The following MAP2 variants were observed in gnomAD, a reference collection of about 807,000 sequenced individuals.
The protein encoded by MAP2 is microtubule associated protein 2.
Under a neutral mutation model 137.6 loss-of-function variants are expected in MAP2, and 14 were observed. The ratio of observed to expected loss-of-function variants is 0.10; its 90% CI spans 0.07 to 0.16. MAP2 has a LOEUF of 0.16. Among genes scored for constraint, MAP2 ranks in the 10% least tolerant of loss-of-function variants. The pLI, the probability that MAP2 is intolerant of heterozygous loss-of-function variation, is 1.00. For synonymous variants in MAP2, 786 were observed against 782.3 expected (o/e 1.00, Z -0.08); for missense variants, 2,088 against 2,191.5 (o/e 0.95, Z 0.94).
At chr2:209,670,221 A>T (rs896240686) in intron 5 of MAP2, among the ~76,000 whole-genome samples, 3 of 152,012 alleles carry the variant, frequency 2.0e-5, no homozygotes, top group Non-Finnish European at 4.4e-5. Context: ...ACCTTAGTTA[A>T]TTAGTAAATA....
chr2:209,703,709 C>T (rs2062451252), intron 11 of MAP2, among the ~76,000 whole-genome samples: 1 of 152,008 alleles, frequency 6.6e-6, no homozygotes. Context: ...TTGCTTTGGT[C>T]TCAGGATTTC....
At chr2:209,565,519 C>T (rs1363000281) in intron 2 of MAP2, among the ~76,000 whole-genome samples, 1 of 152,118 alleles carries the variant, frequency 6.6e-6, no homozygotes, top group Non-Finnish European at 1.5e-5. Flanking sequence ...TATTCCCAGA[C>T]CGAAAATATC....
At position 209,600,842 on chromosome 2, in the gene MAP2, G is replaced by A. The variant is rs141208657; in HGVS notation, c.-107+20742G>A. 5.3e-4 allele frequency among the ~76,000 whole-genome samples: 81 copies of A among 152,266 alleles called. 1 individual carries two copies. The highest frequency in any genetic ancestry group is 3.3e-3 in the East Asian group (17 of 5,176). Reference sequence around the variant, plus strand: ...CCTTCTTCTTCTCTATAGGAGTAATGTCTATTCCATCATTTGAGCTAGGAT... The same window carrying A: ...CCTTCTTCTTCTCTATAGGAGTAATATCTATTCCATCATTTGAGCTAGGAT... On this transcript the variant is annotated intron_variant, in intron 3 of 15. Coordinates refer to ENST00000682079, the MANE Select transcript of MAP2 (RefSeq NM_001375505.1).
intron 5 of MAP2, among the ~76,000 whole-genome samples, chr2:209,666,665 C>G (rs1235663579): frequency 1.3e-5 from 2 of 151,948 alleles, no homozygotes; most frequent in Non-Finnish European, 2.9e-5. Context: ...TTGGATTTCA[C>G]TCTTTAAGGG....
chr2:209,652,346 G>A (rs1487759383), intron 4 of MAP2, among the ~76,000 whole-genome samples: 1 of 152,116 alleles, frequency 6.6e-6, no homozygotes, highest in Non-Finnish European at 1.5e-5. Context: ...ATAGGATGTA[G>A]GCCTAATGCT....
intron 4 of MAP2, among the ~76,000 whole-genome samples, chr2:209,651,783 T>C (rs2094817966): frequency 2.6e-5 from 4 of 152,172 alleles, no homozygotes; most frequent in Admixed American, 2.6e-4. Flanking sequence ...ATGAATTAAC[T>C]CATCTAGCTC....
chr2:209,565,194 T>C (rs1169328637), intron 2 of MAP2, among the ~76,000 whole-genome samples: 1 of 152,150 alleles, frequency 6.6e-6, no homozygotes, highest in Non-Finnish European at 1.5e-5. Flanking sequence ...TTAGGAGGAA[T>C]TGCAAACTCA....
chr2:209,649,287 G>A (rs1346402910), intron 4 of MAP2, among the ~76,000 whole-genome samples: 4 of 152,084 alleles, frequency 2.6e-5, no homozygotes, highest in Non-Finnish European at 5.9e-5. Flanking sequence ...AAAGTGCTGG[G>A]ATTACAGGCA....
At chr2:209,580,335 C>T (rs977532319) in intron 3 of MAP2, among the ~76,000 whole-genome samples, 2 of 152,004 alleles carry the variant, frequency 1.3e-5, no homozygotes, top group African/African-American at 2.4e-5. Flanking sequence ...TAACAAATAT[C>T]AACATGTTTG....
At chr2:209,708,485 A>G (rs2064211670) in intron 12 of MAP2, among the ~76,000 whole-genome samples, 1 of 152,166 alleles carries the variant, frequency 6.6e-6, no homozygotes, top group Non-Finnish European at 1.5e-5. Flanking sequence ...ACCTATGGTG[A>G]TGGGTGGATT....
chr2:209,582,598 G>A (rs1208042365), intron 3 of MAP2, among the ~76,000 whole-genome samples: 1 of 151,684 alleles, frequency 6.6e-6, no homozygotes, highest in Non-Finnish European at 1.5e-5. Flanking sequence ...GAGAAATGAT[G>A]TCATACTTAC....
At chr2:209,509,356 A>G (rs558986946) in intron 2 of MAP2, among the ~76,000 whole-genome samples, 1 of 152,106 alleles carries the variant, frequency 6.6e-6, no homozygotes, top group Non-Finnish European at 1.5e-5. Flanking sequence ...GGTCAAGATG[A>G]CTTGCCTATT....
At chr2:209,616,641 G>A (rs2089505655) in intron 3 of MAP2, among the ~76,000 whole-genome samples, 1 of 152,170 alleles carries the variant, frequency 6.6e-6, no homozygotes, top group Non-Finnish European at 1.5e-5. Context: ...TGGTTGAATA[G>A]TTACTGAACA....
At chr2:209,475,141 G>T (rs7567723) in intron 1 of MAP2, among the ~76,000 whole-genome samples, 1,878 of 152,134 alleles carry the variant, frequency 0.012, 43 homozygotes, top group African/African-American at 0.043. Flanking sequence ...TTACAGTAAA[G>T]TAATTTGCTC....
At position 209,732,878 on chromosome 2, in the gene MAP2, A is replaced by G. The variant is rs2075954057; in HGVS notation, c.*2481A>G. On this transcript the variant is annotated 3_prime_UTR_variant, in exon 16 of 16. Coordinates refer to ENST00000682079, the MANE Select transcript of MAP2 (RefSeq NM_001375505.1). ...TGTTCTTGCTTTGTATGGAAATACA[A>G]TTCTTTATTAAAGTTAACAGAAAGG... 1 of 152,616 alleles carries G rather than the reference A, an allele frequency of 6.6e-6. No individual in the cohort carries two copies. Among genetic ancestry groups the G allele is most frequent in the Non-Finnish European group, 1.5e-5 (1 of 68,040 alleles). The allele number at this position is 152,616 out of a possible 1,614,324, so 9.5% of individuals were successfully genotyped here. A position where few individuals can be genotyped will look rare whatever the true frequency, so the allele number is the denominator to read the frequency against.
In MAP2 at chr2:209,731,666, A is replaced by G. The variant is rs930047350; in HGVS notation, c.*1269A>G. On this transcript the variant is annotated 3_prime_UTR_variant, in exon 16 of 16. Coordinates refer to ENST00000682079, the MANE Select transcript of MAP2 (RefSeq NM_001375505.1). ...TTTGCTAAAGTTGAAAGTTGAAACT[A>G]ACTATAATAGTTTGAAACATGTTTT... 2.0e-5 allele frequency: 3 copies of G among 152,612 alleles called. No homozygotes were observed. Among genetic ancestry groups the G allele is most frequent in the Non-Finnish European group, 2.9e-5 (2 of 68,046 alleles). 9.5% of individuals were successfully genotyped at this position (152,612 alleles called of 1,614,324 possible). A position where few individuals can be genotyped will look rare whatever the true frequency, so the allele number is the denominator to read the frequency against.
intron 1 of MAP2, among the ~76,000 whole-genome samples, chr2:209,452,521 C>T (rs537603688): frequency 6.6e-6 from 1 of 152,156 alleles, no homozygotes; most frequent in Non-Finnish European, 1.5e-5. Flanking sequence ...TATCATATCC[C>T]TAGGCATCCC....
intron 10 of MAP2, 124 bp from the exon 11 acceptor site, chr2:209,700,153 A>T: frequency 2.9e-6 from 2 of 683,310 alleles, no homozygotes; most frequent in South Asian, 3.9e-5. Context: ...TGAGTCTCAT[A>T]ATAAGCAAAC....
chr2:209,660,594 A>T (rs992922932), intron 5 of MAP2, among the ~76,000 whole-genome samples: 24 of 146,702 alleles, frequency 1.6e-4, no homozygotes, highest in Non-Finnish European at 2.7e-4. Context: ...ACGGGGTTTC[A>T]CCGTGTTAGC....
Sources: gnomAD v4.1 joint callset for allele counts (sites outside exome capture counted in the v4.1 genomes callset) on GRCh38, gnomAD v4.1.1 for gene constraint, MANE v1.5 for transcripts, NCBI Gene and HGNC (gene_info 2026-07-23, HGNC 2026-07-21) for gene names.